CEP250: variants seen among roughly 807,000 people sequenced by gnomAD.
CEP250 encodes centrosomal protein 250.
CEP250 carries 242 observed loss-of-function variants against 315.7 expected under a neutral mutation model. The ratio of observed to expected loss-of-function variants is 0.77; its 90% CI spans 0.69 to 0.85. CEP250 has a LOEUF of 0.85. Ranked by LOEUF, CEP250 falls within the 40% of genes least tolerant of loss-of-function variation. The pLI, the probability that CEP250 is intolerant of heterozygous loss-of-function variation, is 0.00. For synonymous variants in CEP250, 1,088 were observed against 1,175.0 expected (o/e 0.93, Z 1.51); for missense variants, 2,515 against 2,886.4 (o/e 0.87, Z 2.95).
intron 8 of CEP250, 107 bp downstream of exon 8, chr20:35,467,179 G>GGGGGGCCC: frequency 3.7e-6 from 2 of 534,886 alleles, no homozygotes; most frequent in Non-Finnish European, 7.1e-6. Flanking sequence ...GGTGGGTGGG[G>GGGGGGCCC]GAGTTGGTAG....
chr20:35,505,077 A>C, intron 30 of CEP250, 72 bp downstream of exon 30: 1 of 1,329,960 alleles, frequency 7.5e-7, no homozygotes, highest in Non-Finnish European at 1.0e-6. Context: ...ACTGCCCACC[A>C]CCCTGGGCCC....
At chr20:35,464,283 G>T (rs2062822493) in intron 5 of CEP250, among the ~76,000 whole-genome samples, 1 of 152,128 alleles carries the variant, frequency 6.6e-6, no homozygotes, top group African/African-American at 2.4e-5. Flanking sequence ...TTGCTTGCTT[G>T]TTTGGTTGGT....
chr20:35,503,263 G>GTGA lies in CEP250; in HGVS notation c.4895_4897dup (p.Val1632_Lys1633insMet), dbSNP rs1427535451. ...AGAGCTGCAGGAGAGGGACCAGGAG[G>GTGA]TGAAGTCTCAGCGAGAACAGATCGA... is the stretch of plus-strand genomic sequence containing the variant. On this transcript the variant is annotated inframe_insertion, in exon 30 of 35. Coordinates refer to ENST00000397527, the MANE Select transcript of CEP250 (RefSeq NM_007186.6). The surrounding 1 kb of genome is among the most constrained non-coding windows in gnomAD (Gnocchi z 4.2). The GTGA allele has an allele frequency of 6.2e-7, 1 of 1,614,146 alleles. No individual in the cohort carries two copies. The highest frequency in any genetic ancestry group is 8.5e-7 in the Non-Finnish European group (1 of 1,180,024).
chr20:35,478,202 A>G, intron 17 of CEP250, 101 bp downstream of exon 17: 1 of 798,806 alleles, frequency 1.3e-6, no homozygotes, highest in Non-Finnish European at 2.0e-6. Context: ...AAAAAGTCTT[A>G]CTTCCTAGAA....
chr20:35,458,121 G>A (rs1026478595), intron 1 of CEP250, among the ~76,000 whole-genome samples, 183 bp from the exon 2 acceptor site: 10 of 152,132 alleles, frequency 6.6e-5, no homozygotes, highest in African/African-American at 2.4e-4. Context: ...TGCTTTAAGT[G>A]ACAAATTCTA....
intron 9 of CEP250, among the ~76,000 whole-genome samples, chr20:35,468,740 AAC>A: frequency 6.6e-6 from 1 of 152,262 alleles, no homozygotes; most frequent in Non-Finnish European, 1.5e-5. Context: ...CAGTAGTGTA[AAC>A]ACAGCTCACC....
intron 33 of CEP250, 45 bp downstream of exon 33, chr20:35,509,089 A>G: frequency 6.7e-7 from 1 of 1,488,302 alleles, no homozygotes; most frequent in Non-Finnish European, 9.2e-7. Flanking sequence ...GCCCAACCCC[A>G]GCCACCAGAA....
chr20:35,509,965 T>C, intron 33 of CEP250, 33 bp from the exon 34 acceptor site: 1 of 1,606,274 alleles, frequency 6.2e-7, no homozygotes, highest in Non-Finnish European at 8.5e-7. Flanking sequence ...TGGGAAGGCC[T>C]ATGCCAACAA....
At chr20:35,506,904 T>C (rs982538728) in intron 30 of CEP250, among the ~76,000 whole-genome samples, 7 of 152,188 alleles carry the variant, frequency 4.6e-5, no homozygotes, top group East Asian at 1.9e-4. Context: ...AAGTAAGTTA[T>C]GTAATTGGGC....
chr20:35,510,579 T>G (rs1184033478), intron 34 of CEP250, among the ~76,000 whole-genome samples: 1 of 152,242 alleles, frequency 6.6e-6, no homozygotes, highest in East Asian at 1.9e-4. Flanking sequence ...ATCATAAGTG[T>G]TACCTTTTTA....
At chr20:35,508,859 G>GCACTGGCC (rs2064272809) in intron 32 of CEP250, 84 bp from the exon 33 acceptor site, 8 of 1,099,216 alleles carry the variant, frequency 7.3e-6, no homozygotes, top group Admixed American at 2.1e-5. Flanking sequence ...ACCTGCACAG[G>GCACTGGCC]CACTGGCCAC....
At chr20:35,509,091 C>T in intron 33 of CEP250, 47 bp downstream of exon 33, 1 of 1,464,650 alleles carries the variant, frequency 6.8e-7, no homozygotes. Context: ...CCAACCCCAG[C>T]CACCAGAAAC....
chr20:35,500,188 G>GCT lies in CEP250; in HGVS notation c.3898+20_3898+21insTC. On this transcript the variant is annotated intron_variant, in intron 28 of 34. Transcript: ENST00000397527. ...CAGGAAGGTGAGAAGCTCAAGACAG[G>GCT]CAGGGAGATTGAGAGGGAGAAGGGA... 6.2e-7 allele frequency: 1 copy of GCT among 1,612,796 alleles called. No homozygotes were observed. The highest frequency in any genetic ancestry group is 1.3e-5 in the African/African-American group (1 of 75,040).
chr20:35,498,036 C>G lies in CEP250; in HGVS notation c.3624C>G (p.Asp1208Glu). Residue 1208 changes from aspartate (D) to glutamate (E), a missense_variant, in exon 26 of 35, where the codon GAC (aspartate) becomes GAG (glutamate). Transcript: ENST00000397527. Reference sequence around the variant, plus strand: ...GGCCTGAGCTGAGTGGTGGGGGAGACTCTGCTCCTTCCGTCTGGGGCCTTG... The same window carrying G: ...GGCCTGAGCTGAGTGGTGGGGGAGAGTCTGCTCCTTCCGTCTGGGGCCTTG... Reference protein sequence around the residue: ...ESRPELSGGGDSAPSVWGLEP... With the variant: ...ESRPELSGGGESAPSVWGLEP... 1 of 1,591,422 alleles carries G rather than the reference C, an allele frequency of 6.3e-7. No individual in the cohort carries two copies. The highest frequency in any genetic ancestry group is 1.7e-5 in the Admixed American group (1 of 58,576).
intron 30 of CEP250, among the ~76,000 whole-genome samples, chr20:35,505,770 G>A (rs550106043): frequency 6.2e-4 from 95 of 152,246 alleles, no homozygotes; most frequent in African/African-American, 2.2e-3. Context: ...TAGTATCTGT[G>A]TAGATGGTTC....
chr20:35,462,473 G>A lies in CEP250; in HGVS notation c.106G>A (p.Ala36Thr), dbSNP rs1299471008. 2.5e-6 allele frequency: 4 copies of A among 1,608,788 alleles called. No homozygotes were observed. The highest frequency in any genetic ancestry group is 2.5e-6 in the Non-Finnish European group (3 of 1,177,578). The change falls in exon 4 of 35, where the codon GCA becomes ACA. Residue 36 changes from alanine (A) to threonine (T), a missense_variant. Ala to Thr is a moderately conservative substitution (Grantham distance 58). Coordinates refer to ENST00000397527, the MANE Select transcript of CEP250 (RefSeq NM_007186.6). ...ALQQQMAENQ[A>T]ASWRKLKNSQ... Reference sequence around the variant, plus strand: ...ACAGCAGCAGATGGCAGAGAATCAGGCAGCCTCCTGGCGGAAGCTGAAGAA... The same window carrying A: ...ACAGCAGCAGATGGCAGAGAATCAGACAGCCTCCTGGCGGAAGCTGAAGAA...
rs749858363 is a variant in CEP250, at chr20:35,504,012, G to C, written c.5643G>C (p.Arg1881=). Reference sequence around the variant, plus strand: ...AAGAGCTGGCAGTGGAGGGACGGCGGGTCCAGGCCCTGGAGGAGGTGCTGG... The same window carrying C: ...AAGAGCTGGCAGTGGAGGGACGGCGCGTCCAGGCCCTGGAGGAGGTGCTGG... ...LEEELAVEGR[R]VQALEEVLGD... The change falls in exon 30 of 35, where the codon CGG becomes CGC. Residue 1881 remains arginine (R), a synonymous_variant. Transcript: ENST00000397527. 1.9e-6 allele frequency: 3 copies of C among 1,608,746 alleles called. No individual in the cohort carries two copies. The highest frequency in any genetic ancestry group is 2.2e-5 in the South Asian group (2 of 90,502).
chr20:35,468,295 C>T (rs567877940), intron 9 of CEP250, among the ~76,000 whole-genome samples: 1 of 152,300 alleles, frequency 6.6e-6, no homozygotes, highest in Non-Finnish European at 1.5e-5. Context: ...CAGTAGCCTG[C>T]TAAGTTACTG....
At chr20:35,493,325 T>C (rs551575088) in intron 22 of CEP250, 104 bp from the exon 23 acceptor site, 38 of 1,078,994 alleles carry the variant, frequency 3.5e-5, no homozygotes, top group East Asian at 1.4e-4. Flanking sequence ...GTGGAAACAA[T>C]GTGGATTGCT....
Sources: allele counts gnomAD v4.1 joint callset (sites outside exome capture counted in the v4.1 genomes callset), GRCh38; gene constraint gnomAD v4.1.1; non-coding constraint Gnocchi (gnomAD v3.1); transcripts MANE v1.5; gene names NCBI Gene and HGNC (gene_info 2026-07-23, HGNC 2026-07-21).